SPIDR: variants seen among roughly 807,000 people sequenced by gnomAD.
SPIDR encodes scaffold protein involved in DNA repair.
SPIDR carries 93 observed loss-of-function variants against 104.6 expected under a neutral mutation model. The observed-to-expected ratio is 0.89, with a 90% CI of 0.75 to 1.06. The LOEUF (loss-of-function observed/expected upper bound fraction) is 1.06, where lower values mean the gene tolerates loss of function less well. SPIDR is among the 50% of genes least tolerant of loss of function. The pLI, the probability that SPIDR is intolerant of heterozygous loss-of-function variation, is 0.00. For missense variants in SPIDR, 1,154 were observed against 1,111.2 expected (o/e 1.04, Z -0.55); for synonymous variants, 431 against 416.9 (o/e 1.03, Z -0.41).
At chr8:47,696,488 A>G (rs2079353541) in intron 11 of SPIDR, among the ~76,000 whole-genome samples, 1 of 152,202 alleles carries the variant, frequency 6.6e-6, no homozygotes. Context: ...ATTAAAGTTA[A>G]TGGCTCTGTC....
chr8:47,415,773 G>T (rs543569433), intron 7 of SPIDR, among the ~76,000 whole-genome samples: 3 of 152,234 alleles, frequency 2.0e-5, no homozygotes, highest in Non-Finnish European at 4.4e-5. Context: ...CACAGCTCTG[G>T]TTTTTTTGTT....
At chr8:47,268,010 A>G (rs1480359921) in intron 1 of SPIDR, among the ~76,000 whole-genome samples, 1 of 152,150 alleles carries the variant, frequency 6.6e-6, no homozygotes, top group Non-Finnish European at 1.5e-5. Context: ...TAATTTTTCT[A>G]CACACTGTGA....
chr8:47,481,335 A>G (rs537801448), intron 8 of SPIDR, among the ~76,000 whole-genome samples: 1 of 152,344 alleles, frequency 6.6e-6, no homozygotes, highest in African/African-American at 2.4e-5. Context: ...ATGCAGCTCT[A>G]AGTTCCAAGA....
intron 8 of SPIDR, among the ~76,000 whole-genome samples, chr8:47,443,696 G>T (rs2069941219): frequency 6.8e-6 from 1 of 148,140 alleles, no homozygotes; most frequent in Admixed American, 6.7e-5. Flanking sequence ...TTTTCCTTGT[G>T]GACTGGCTGT....
intron 7 of SPIDR, among the ~76,000 whole-genome samples, chr8:47,434,328 G>A (rs1168394507): frequency 1.3e-5 from 2 of 152,100 alleles, no homozygotes; most frequent in Non-Finnish European, 2.9e-5. Flanking sequence ...ACACTCACAT[G>A]CATGCTGGGT....
At position 47,503,068 on chromosome 8, in the gene SPIDR, G is replaced by A. The variant is rs188160260; in HGVS notation, c.1097+62526G>A. Among the ~76,000 whole-genome samples, 131 of 152,250 alleles carry A rather than the reference G, an allele frequency of 8.6e-4. 4 individuals are homozygous for A. In the East Asian group the frequency reaches 0.023, roughly 27 times the overall value. On this transcript the variant is annotated intron_variant, in intron 8 of 19. Coordinates refer to ENST00000297423, the MANE Select transcript of SPIDR (RefSeq NM_001080394.4). ...TGCTTTACTTCCAACTATGTGGTCA[G>A]TTTTGGAATAGGTGTGTTGTGGTGC...
intron 10 of SPIDR, among the ~76,000 whole-genome samples, chr8:47,628,187 T>G (rs1414341183): frequency 1.3e-5 from 2 of 152,220 alleles, no homozygotes; most frequent in African/African-American, 2.4e-5. Context: ...CCTGAGATAA[T>G]GCTTTTAAAG....
At chr8:47,491,637 G>C (rs1293706402) in intron 8 of SPIDR, among the ~76,000 whole-genome samples, 4 of 152,238 alleles carry the variant, frequency 2.6e-5, no homozygotes, top group Admixed American at 2.6e-4. Context: ...GCCAGGGGCA[G>C]CTGTTCAGAG....
At chr8:47,549,356 C>G (rs1384563853) in intron 8 of SPIDR, among the ~76,000 whole-genome samples, 1 of 152,200 alleles carries the variant, frequency 6.6e-6, no homozygotes, top group Non-Finnish European at 1.5e-5. Flanking sequence ...CTCTCTTCCA[C>G]AATAGTTGAA....
chr8:47,489,313 T>G (rs1353756092), intron 8 of SPIDR, among the ~76,000 whole-genome samples: 4 of 152,110 alleles, frequency 2.6e-5, no homozygotes, highest in Non-Finnish European at 5.9e-5. Flanking sequence ...AAGGACCTCT[T>G]CAAGGAGAAC....
chr8:47,548,735 G>A (rs2089932955), intron 8 of SPIDR, among the ~76,000 whole-genome samples: 2 of 152,288 alleles, frequency 1.3e-5, no homozygotes, highest in South Asian at 4.1e-4. Flanking sequence ...ATTCTTTCTT[G>A]TGTGTTTGAA....
chr8:47,716,792 C>T (rs2082646115), intron 16 of SPIDR, among the ~76,000 whole-genome samples: 1 of 152,106 alleles, frequency 6.6e-6, no homozygotes, highest in African/African-American at 2.4e-5. Flanking sequence ...GGAAAACCCA[C>T]AGAAGTGCTG....
At chr8:47,671,272 T>C (rs1176480773) in intron 10 of SPIDR, among the ~76,000 whole-genome samples, 6 of 152,056 alleles carry the variant, frequency 3.9e-5, no homozygotes, top group Non-Finnish European at 8.8e-5. Context: ...TAGAAAATGC[T>C]CCTAGTTTTT....
chr8:47,575,646 CAAAAAAAAAA>C (rs1173651690), intron 8 of SPIDR, among the ~76,000 whole-genome samples: 4 of 45,162 alleles, frequency 8.9e-5, no homozygotes, highest in African/African-American at 2.7e-4. Context: ...GACTCCGTCT[CAAAAAAAAAA>C]AAAAAAAGAA....
chr8:47,263,478 G>A (rs574317920), intron 1 of SPIDR, among the ~76,000 whole-genome samples: 1 of 152,088 alleles, frequency 6.6e-6, no homozygotes, highest in East Asian at 1.9e-4. Flanking sequence ...CCTCCACACC[G>A]GGCTAATTTT....
chr8:47,280,146 T>G (rs1271404150), intron 2 of SPIDR, 129 bp downstream of exon 2: 1 of 784,766 alleles, frequency 1.3e-6, no homozygotes, highest in Non-Finnish European at 1.9e-6. Context: ...GGTACACTCC[T>G]TTTCTTGCCT....
chr8:47,331,260 T>G (rs1369947656), intron 5 of SPIDR, among the ~76,000 whole-genome samples: 2 of 152,180 alleles, frequency 1.3e-5, no homozygotes, highest in Non-Finnish European at 2.9e-5. Flanking sequence ...CAGATGTCAT[T>G]TAGTGATCAG....
chr8:47,692,409 A>C (rs2078782037), intron 11 of SPIDR, among the ~76,000 whole-genome samples: 1 of 151,500 alleles, frequency 6.6e-6, no homozygotes, highest in South Asian at 2.1e-4. Flanking sequence ...GGAACCATAC[A>C]GATGTGACCT....
chr8:47,730,581 C>G (rs1334100045), intron 19 of SPIDR, among the ~76,000 whole-genome samples: 2 of 152,176 alleles, frequency 1.3e-5, no homozygotes, highest in Admixed American at 6.5e-5. Flanking sequence ...TGGCCAGATT[C>G]TAGCCAGAAT....
Sources: gnomAD v4.1 joint callset for allele counts (sites outside exome capture counted in the v4.1 genomes callset) on GRCh38, gnomAD v4.1.1 for gene constraint, MANE v1.5 for transcripts, NCBI Gene and HGNC (gene_info 2026-07-23, HGNC 2026-07-21) for gene names.